The following DYNC1I1 variants were observed in gnomAD, a reference collection of about 807,000 sequenced individuals.
The protein encoded by DYNC1I1 is dynein cytoplasmic 1 intermediate chain 1, also known as cytoplasmic dynein 1 intermediate chain 1.
In DYNC1I1, 43 loss-of-function variants were observed where a neutral mutation model predicts 86.6. The ratio of observed to expected loss-of-function variants is 0.50; its 90% confidence interval spans 0.39 to 0.64. DYNC1I1 has a LOEUF of 0.64. DYNC1I1 is among the 30% of genes least tolerant of loss of function. DYNC1I1 has a pLI of 0.00. For missense variants in DYNC1I1, 604 were observed against 788.8 expected (o/e 0.77, Z 2.81); for synonymous variants, 262 against 283.7 (o/e 0.92, Z 0.77).
At chr7:95,920,330 C>T (rs989944193) in intron 6 of DYNC1I1, among the ~76,000 whole-genome samples, 5 of 152,176 alleles carry the variant, frequency 3.3e-5, no homozygotes, top group African/African-American at 9.7e-5. Flanking sequence ...AAATACCTGA[C>T]CTGTTTTCCC....
At chr7:96,036,467 G>A (rs1794929210) in intron 13 of DYNC1I1, among the ~76,000 whole-genome samples, 1 of 152,134 alleles carries the variant, frequency 6.6e-6, no homozygotes, top group Non-Finnish European at 1.5e-5. Context: ...AGTGGGATAG[G>A]ACTATAGGCT....
chr7:95,881,771 ATGGCAGCCCC>A (rs1790461372), intron 6 of DYNC1I1, among the ~76,000 whole-genome samples: 1 of 152,236 alleles, frequency 6.6e-6, no homozygotes, highest in African/African-American at 2.4e-5. Context: ...CTAGTGTCAT[ATGGCAGCCCC>A]TGGCAGCCCA....
At chr7:96,064,738 G>A (rs139982145) in intron 14 of DYNC1I1, among the ~76,000 whole-genome samples, 81 of 152,254 alleles carry the variant, frequency 5.3e-4, no homozygotes, top group South Asian at 2.3e-3. Flanking sequence ...AAGGCTGAAG[G>A]CTCTGTTCAC....
chr7:96,066,915 A>G (rs1262444891), intron 14 of DYNC1I1, among the ~76,000 whole-genome samples: 3 of 152,216 alleles, frequency 2.0e-5, no homozygotes, highest in Admixed American at 2.0e-4. Flanking sequence ...AGAAGAAAGC[A>G]TATGTTAGGT....
At chr7:95,904,387 C>G (rs1351440178) in intron 6 of DYNC1I1, among the ~76,000 whole-genome samples, 1 of 152,094 alleles carries the variant, frequency 6.6e-6, no homozygotes, top group Non-Finnish European at 1.5e-5. Flanking sequence ...AAGTGATATG[C>G]TTTGCCTAGC....
intron 6 of DYNC1I1, among the ~76,000 whole-genome samples, chr7:95,881,565 G>A (rs561722338): frequency 2.0e-5 from 3 of 152,294 alleles, no homozygotes; most frequent in East Asian, 3.9e-4. Context: ...GGGAACAAAT[G>A]ATCTCTTTCA....
chr7:95,952,999 A>T (rs913604187), intron 6 of DYNC1I1, among the ~76,000 whole-genome samples: 1 of 151,482 alleles, frequency 6.6e-6, no homozygotes. Flanking sequence ...TGCTGGGCAA[A>T]ATAGCTAATG....
intron 14 of DYNC1I1, among the ~76,000 whole-genome samples, chr7:96,046,986 G>C (rs1789235542): frequency 6.6e-6 from 1 of 152,152 alleles, no homozygotes; most frequent in Non-Finnish European, 1.5e-5. Context: ...CTTAGAGTGG[G>C]TAACTTATAA....
At position 96,097,734 on chromosome 7, in the gene DYNC1I1, C is replaced by A. The variant is rs1017386226; in HGVS notation, c.*141C>A. On this transcript the variant is annotated 3_prime_UTR_variant, in exon 17 of 17. Transcript: ENST00000447467. ...GGTGCCATATTGTGCCAGCTTTGCT[C>A]CAAGTATTCTAAATGTGTCCCATCA... 2.1e-6 allele frequency: 3 copies of A among 1,416,370 alleles called. No individual in the cohort carries two copies. Among genetic ancestry groups the A allele is most frequent in the East Asian group, 2.6e-5 (1 of 39,128 alleles). The allele number at this position is 1,416,370 out of a possible 1,614,324, so 87.7% of individuals were successfully genotyped here. A position where few individuals can be genotyped will look rare whatever the true frequency, so the allele number is the denominator to read the frequency against.
At chr7:95,899,219 G>A (rs929286269) in intron 6 of DYNC1I1, among the ~76,000 whole-genome samples, 8 of 152,184 alleles carry the variant, frequency 5.3e-5, no homozygotes, top group African/African-American at 1.7e-4. Context: ...ATTGTAAAAT[G>A]TCAAAGCAAT....
intron 12 of DYNC1I1, 26 bp from the exon 13 acceptor site, chr7:96,035,593 A>T (rs367747036): frequency 6.4e-7 from 1 of 1,557,544 alleles, no homozygotes; most frequent in Non-Finnish European, 8.6e-7. Flanking sequence ...GACAGATGGA[A>T]ATGTAACCAC....
In DYNC1I1 at chr7:95,828,122, T is replaced by C. The variant is rs928520462; in HGVS notation, c.374+6T>C. 7 of 1,613,614 alleles carry C rather than the reference T, an allele frequency of 4.3e-6. No individual in the cohort carries two copies. The highest frequency in any genetic ancestry group is 3.4e-6 in the Non-Finnish European group (4 of 1,179,686). On this transcript the variant is annotated splice_donor_region_variant and intron_variant, in intron 5 of 16. Transcript: ENST00000447467. ...CAGTCAGACTCAGAACTTGGGTATA[T>C]GTCTGCTCTTTTGTTACTCCTTTTA...
chr7:95,844,465 A>G (rs1789373603), intron 5 of DYNC1I1, among the ~76,000 whole-genome samples: 1 of 152,210 alleles, frequency 6.6e-6, no homozygotes, highest in Non-Finnish European at 1.5e-5. Context: ...CACTGAGACC[A>G]AGGCATTGCA....
intron 10 of DYNC1I1, among the ~76,000 whole-genome samples, chr7:96,012,232 A>G (rs1007846155): frequency 6.6e-5 from 10 of 152,266 alleles, no homozygotes; most frequent in Middle Eastern, 3.4e-3. Flanking sequence ...TGAAAGATTT[A>G]TTTTGAAGGA....
At chr7:95,791,531 C>G (rs1431518285) in intron 1 of DYNC1I1, among the ~76,000 whole-genome samples, 2 of 152,308 alleles carry the variant, frequency 1.3e-5, no homozygotes, top group Middle Eastern at 3.4e-3. Flanking sequence ...GAAAACAGCT[C>G]CAAGCGCAAT....
chr7:95,957,582 G>T (rs1792750691), intron 6 of DYNC1I1, among the ~76,000 whole-genome samples: 1 of 152,128 alleles, frequency 6.6e-6, no homozygotes, highest in African/African-American at 2.4e-5. Flanking sequence ...GAAGAAGGAG[G>T]AATTTCTGGC....
downstream of DYNC1I1, among the ~76,000 whole-genome samples, chr7:96,098,592 A>G (rs1271438494): frequency 6.6e-6 from 1 of 152,144 alleles, no homozygotes; most frequent in Admixed American, 6.6e-5. Flanking sequence ...TTTTATTTTT[A>G]TGAGGGAATG....
At chr7:95,814,477 T>C (rs1292575398) in intron 4 of DYNC1I1, among the ~76,000 whole-genome samples, 1 of 152,226 alleles carries the variant, frequency 6.6e-6, no homozygotes, top group Non-Finnish European at 1.5e-5. Flanking sequence ...TCTGTGTGCA[T>C]TTCTTGCCTC....
intron 11 of DYNC1I1, among the ~76,000 whole-genome samples, chr7:96,030,507 A>T (rs562168190): frequency 2.3e-4 from 34 of 150,252 alleles, no homozygotes; most frequent in African/African-American, 7.6e-4. Flanking sequence ...TGCCACACAC[A>T]CTTTCTCCGG....
Sources: allele counts gnomAD v4.1 joint callset (sites outside exome capture counted in the v4.1 genomes callset), GRCh38; gene constraint gnomAD v4.1.1; transcripts MANE v1.5; gene names NCBI Gene and HGNC (gene_info 2026-07-23, HGNC 2026-07-21).